The following LRRTM3 variants were observed in gnomAD, a reference collection of about 807,000 sequenced individuals.
The protein encoded by LRRTM3 is leucine rich repeat transmembrane neuronal 3.
LRRTM3 carries 24 observed loss-of-function variants against 44.7 expected under a neutral mutation model. The observed-to-expected ratio is 0.54, with a 90% CI of 0.39 to 0.76. The LOEUF (loss-of-function observed/expected upper bound fraction) is 0.76, where lower values mean the gene tolerates loss of function less well. Among genes scored for constraint, LRRTM3 ranks in the 30% least tolerant of loss-of-function variants. The pLI, the probability that LRRTM3 is intolerant of heterozygous loss-of-function variation, is 0.00. For synonymous variants in LRRTM3, 277 were observed against 278.7 expected (o/e 0.99, Z 0.06); for missense variants, 587 against 702.2 (o/e 0.84, Z 1.85).
intron 2 of LRRTM3, among the ~76,000 whole-genome samples, chr10:67,042,455 A>G (rs756019952): frequency 5.3e-5 from 8 of 152,154 alleles, no homozygotes; most frequent in Non-Finnish European, 1.0e-4. Flanking sequence ...CATGTCTTCT[A>G]AGCATGTAGA....
intron 2 of LRRTM3, among the ~76,000 whole-genome samples, chr10:67,011,968 C>A (rs1050108329): frequency 2.6e-5 from 4 of 152,156 alleles, no homozygotes; most frequent in Admixed American, 2.6e-4. Context: ...TTTTGACCAA[C>A]ATTACCTCCT....
chr10:66,998,565 A>G (rs1241387274), intron 2 of LRRTM3, among the ~76,000 whole-genome samples: 1 of 151,978 alleles, frequency 6.6e-6, no homozygotes, highest in Non-Finnish European at 1.5e-5. Context: ...ATGACAATGA[A>G]CAGAAGAAAG....
chr10:67,032,681 A>G (rs1478778577), intron 2 of LRRTM3, among the ~76,000 whole-genome samples: 1 of 152,218 alleles, frequency 6.6e-6, no homozygotes, highest in African/African-American at 2.4e-5. Flanking sequence ...TTGAATCTGT[A>G]TCATGTTTAA....
At chr10:66,947,725 T>C (rs1358274570) in intron 2 of LRRTM3, among the ~76,000 whole-genome samples, 1 of 152,162 alleles carries the variant, frequency 6.6e-6, no homozygotes, top group East Asian at 1.9e-4. Flanking sequence ...TTGATAAATT[T>C]AGGGAAAATA....
At chr10:66,942,253 G>A (rs1333677130) in intron 2 of LRRTM3, among the ~76,000 whole-genome samples, 1 of 152,044 alleles carries the variant, frequency 6.6e-6, no homozygotes, top group African/African-American at 2.4e-5. Flanking sequence ...CACATAAATT[G>A]CCAAGTCTGC....
Position 66,989,624 on chromosome 10 carries a change from A to G in LRRTM3, c.1536+61172A>G, listed in dbSNP as rs10997470. On this transcript the variant is annotated intron_variant, in intron 2 of 2. Coordinates refer to ENST00000361320, the MANE Select transcript of LRRTM3 (RefSeq NM_178011.5). Reference sequence around the variant, plus strand: ...GATGTGTATATATATACATACTGAAAGAACTTTTTCTATATATGAGTGAAT... The same window carrying G: ...GATGTGTATATATATACATACTGAAGGAACTTTTTCTATATATGAGTGAAT... Among the ~76,000 whole-genome samples the G allele has an allele frequency of 3.8e-3, 578 of 152,284 alleles. 29 individuals are homozygous for G. In the East Asian group the frequency reaches 0.091, roughly 24 times the overall value.
chr10:67,094,954 C>T (rs546130281), intron 2 of LRRTM3, among the ~76,000 whole-genome samples: 9 of 151,522 alleles, frequency 5.9e-5, no homozygotes, highest in East Asian at 1.9e-4. Flanking sequence ...CCAAAATTTG[C>T]ATTTTCCATA....
chr10:66,992,590 C>T (rs1388578627), intron 2 of LRRTM3, among the ~76,000 whole-genome samples: 1 of 151,812 alleles, frequency 6.6e-6, no homozygotes, highest in Non-Finnish European at 1.5e-5. Context: ...ATGTATCAGT[C>T]TTTTCATTTA....
At chr10:67,091,051 T>C (rs1330051211) in intron 2 of LRRTM3, among the ~76,000 whole-genome samples, 1 of 151,976 alleles carries the variant, frequency 6.6e-6, no homozygotes, top group Non-Finnish European at 1.5e-5. Flanking sequence ...ACTCAAATAA[T>C]ACCAAAGGGA....
chr10:67,094,149 T>A (rs181177909), intron 2 of LRRTM3, among the ~76,000 whole-genome samples: 79 of 152,110 alleles, frequency 5.2e-4, no homozygotes, highest in African/African-American at 1.8e-3. Flanking sequence ...GAGGAAGACT[T>A]GCTCTGACAA....
chr10:67,078,434 A>C (rs1348946990), intron 2 of LRRTM3, among the ~76,000 whole-genome samples: 2 of 152,218 alleles, frequency 1.3e-5, no homozygotes, highest in Non-Finnish European at 2.9e-5. Flanking sequence ...AGGGACCAAC[A>C]AAATGTTACT....
chr10:67,077,916 G>C (rs961820679), intron 2 of LRRTM3, among the ~76,000 whole-genome samples: 1 of 152,114 alleles, frequency 6.6e-6, no homozygotes, highest in Non-Finnish European at 1.5e-5. Flanking sequence ...AGGAGGAAGG[G>C]AAGGGGACAG....
Position 67,099,679 on chromosome 10 carries a change from C to G in LRRTM3, c.*1883C>G. The G allele has an allele frequency of 6.6e-6, 1 of 152,150 alleles. No homozygotes were observed. Among genetic ancestry groups the G allele is most frequent in the Non-Finnish European group, 1.5e-5 (1 of 67,816 alleles). 9.4% of individuals were successfully genotyped at this position (152,150 alleles called of 1,614,324 possible). ...ATGTTGGAAGAAGCAAATTCTATTACTAATTCAAATGAAACTAAATGTCAA... is the reference window on the plus strand; with the variant it reads ...ATGTTGGAAGAAGCAAATTCTATTAGTAATTCAAATGAAACTAAATGTCAA... On this transcript the variant is annotated 3_prime_UTR_variant, in exon 3 of 3. Coordinates refer to ENST00000361320, the MANE Select transcript of LRRTM3 (RefSeq NM_178011.5).
At chr10:67,082,915 T>C (rs1420852692) in intron 2 of LRRTM3, among the ~76,000 whole-genome samples, 2 of 152,128 alleles carry the variant, frequency 1.3e-5, no homozygotes, top group Non-Finnish European at 1.5e-5. Flanking sequence ...CCACCTCCTA[T>C]ATTAACTACA....
Position 66,927,871 on chromosome 10 carries a change from A to T in LRRTM3, c.955A>T (p.Asn319Tyr). 6.2e-7 allele frequency: 1 copy of T among 1,614,248 alleles called. No individual in the cohort carries two copies. The highest frequency in any genetic ancestry group is 8.5e-7 in the Non-Finnish European group (1 of 1,180,046). ...LAGNIWECSR[N>Y]ICSLVNWLKS... is the part of the protein sequence containing the mutation. ...TGGGAATATATGGGAATGCAGCAGA[A>T]ATATTTGCTCCCTTGTAAACTGGCT... The change falls in exon 2 of 3, where the codon AAT (asparagine) becomes TAT (tyrosine). Residue 319 changes from asparagine to tyrosine, a missense_variant. Asn to Tyr is a moderately radical substitution (Grantham distance 143, BLOSUM62 -2). Coordinates refer to ENST00000361320, the MANE Select transcript of LRRTM3 (RefSeq NM_178011.5). This position sits in a 1 kb window ranked among gnomAD's most constrained non-coding sequence, Gnocchi z 4.7.
intron 2 of LRRTM3, among the ~76,000 whole-genome samples, chr10:67,051,815 C>T (rs949374869): frequency 2.9e-4 from 43 of 150,196 alleles, no homozygotes; most frequent in Non-Finnish European, 5.2e-4. Flanking sequence ...AGTGCAGTGG[C>T]ACCATCTCGG....
intron 2 of LRRTM3, among the ~76,000 whole-genome samples, chr10:67,088,467 A>G (rs1857432068): frequency 6.6e-6 from 1 of 151,948 alleles, no homozygotes; most frequent in Non-Finnish European, 1.5e-5. Flanking sequence ...TTAAATAGTT[A>G]AGATTTTTTA....
At chr10:66,990,456 A>G (rs1054842202) in intron 2 of LRRTM3, among the ~76,000 whole-genome samples, 6 of 152,180 alleles carry the variant, frequency 3.9e-5, no homozygotes, top group Non-Finnish European at 7.4e-5. Context: ...TCTAATCACC[A>G]TATTATTCCA....
At chr10:67,036,152 T>C (rs954115454) in intron 2 of LRRTM3, among the ~76,000 whole-genome samples, 1 of 152,148 alleles carries the variant, frequency 6.6e-6, no homozygotes, top group Admixed American at 6.6e-5. Flanking sequence ...ATTTATTTTA[T>C]TTTATTTTAT....
Sources: allele counts gnomAD v4.1 joint callset (sites outside exome capture counted in the v4.1 genomes callset), GRCh38; gene constraint gnomAD v4.1.1; non-coding constraint Gnocchi (gnomAD v3.1); transcripts MANE v1.5; gene names NCBI Gene and HGNC (gene_info 2026-07-23, HGNC 2026-07-21).